Variants in FAM193A observed in about 807,000 individuals in gnomAD.
The protein encoded by FAM193A is family with sequence similarity 193 member A, also known as protein FAM193A.
Under a neutral mutation model 126.5 loss-of-function variants are expected in FAM193A, and 22 were observed. The ratio of observed to expected loss-of-function variants is 0.17; its 90% CI spans 0.12 to 0.25. The LOEUF (loss-of-function observed/expected upper bound fraction) is 0.25. Ranked by LOEUF, FAM193A falls within the 10% of genes least tolerant of loss-of-function variation. The pLI, the probability that FAM193A is intolerant of heterozygous loss-of-function variation, is 1.00. For synonymous variants in FAM193A, 761 were observed against 646.8 expected (o/e 1.18, Z -2.68); for missense variants, 1,675 against 1,672.8 (o/e 1.00, Z -0.02).
intron 2 of FAM193A, among the ~76,000 whole-genome samples, chr4:2,624,843 A>G (rs1395180674): frequency 6.6e-6 from 1 of 151,976 alleles, no homozygotes; most frequent in Non-Finnish European, 1.5e-5. Context: ...TGCCCAGCCG[A>G]ATTGTTTCCT....
At chr4:2,728,747 GT>G (rs1306154216) in intron 20 of FAM193A, among the ~76,000 whole-genome samples, 1 of 152,016 alleles carries the variant, frequency 6.6e-6, no homozygotes, top group African/African-American at 2.4e-5. Context: ...TATGATAGGG[GT>G]TTTTTGTTGT....
intron 19 of FAM193A, among the ~76,000 whole-genome samples, chr4:2,706,307 T>C (rs1718303143): frequency 6.8e-6 from 1 of 148,070 alleles, no homozygotes. Flanking sequence ...TTTTTTTTTT[T>C]TTTTTTGAGA....
At chr4:2,653,029 A>G (rs74812685) in intron 7 of FAM193A, among the ~76,000 whole-genome samples, 4 of 152,218 alleles carry the variant, frequency 2.6e-5, no homozygotes, top group African/African-American at 9.6e-5. Context: ...CCTACGTAGC[A>G]TAACATCCTG....
chr4:2,626,816 TTC>T (rs1743011069), intron 4 of FAM193A, among the ~76,000 whole-genome samples: 1 of 152,228 alleles, frequency 6.6e-6, no homozygotes, highest in African/African-American at 2.4e-5. Flanking sequence ...CAAGAAATGT[TTC>T]TGTCACTTGT....
intron 1 of FAM193A, among the ~76,000 whole-genome samples, chr4:2,569,191 G>A (rs1011081779): frequency 2.0e-5 from 3 of 151,832 alleles, no homozygotes; most frequent in Non-Finnish European, 4.4e-5. Context: ...GGCTGATCTC[G>A]AACTCGTGAG....
intron 1 of FAM193A, among the ~76,000 whole-genome samples, chr4:2,586,227 G>C (rs1380888402): frequency 6.7e-6 from 1 of 148,342 alleles, no homozygotes; most frequent in African/African-American, 2.5e-5. Flanking sequence ...TGGGCAACAA[G>C]AGCAAAAACT....
chr4:2,651,485 A>G (rs1458270707), intron 7 of FAM193A, among the ~76,000 whole-genome samples: 2 of 152,200 alleles, frequency 1.3e-5, no homozygotes, highest in African/African-American at 2.4e-5. Flanking sequence ...CGTCTTACAC[A>G]GTGGCAGGAG....
At chr4:2,717,068 C>G (rs534579407) in intron 20 of FAM193A, among the ~76,000 whole-genome samples, 405 of 152,224 alleles carry the variant, frequency 2.7e-3, no homozygotes, top group African/African-American at 7.6e-3. Flanking sequence ...CAATCCCCAC[C>G]TCCTACGTTC....
intron 5 of FAM193A, among the ~76,000 whole-genome samples, chr4:2,638,494 A>G (rs1182188924): frequency 6.6e-6 from 1 of 152,202 alleles, no homozygotes; most frequent in Non-Finnish European, 1.5e-5. Flanking sequence ...TGATGTTTCA[A>G]TCTGGGAGGC....
At chr4:2,724,498 T>C (rs566893689) in intron 20 of FAM193A, among the ~76,000 whole-genome samples, 1 of 152,334 alleles carries the variant, frequency 6.6e-6, no homozygotes, top group South Asian at 2.1e-4. Context: ...AATTTTAGCT[T>C]TTAGTAACCT....
intron 13 of FAM193A, among the ~76,000 whole-genome samples, chr4:2,686,053 T>G (rs1263032008): frequency 6.6e-6 from 1 of 152,234 alleles, no homozygotes; most frequent in Non-Finnish European, 1.5e-5. Context: ...GGTGGACTTA[T>G]AAAGTCATGG....
intron 5 of FAM193A, among the ~76,000 whole-genome samples, chr4:2,633,185 G>C (rs1743766735): frequency 1.3e-5 from 2 of 152,158 alleles, no homozygotes; most frequent in South Asian, 4.1e-4. Flanking sequence ...ATCACCTGAG[G>C]TCAGGAGTTC....
rs144005982 is a variant in FAM193A, at chr4:2,662,523, G to C, written c.1746-315G>C. On this transcript the variant is annotated intron_variant, in intron 10 of 20. Transcript: ENST00000637812. ...TAGCAGAGAGACTAGTTTTATACCAGCGCTCTTCAGGTCAAATGGAAACGT... is the reference window on the plus strand; with the variant it reads ...TAGCAGAGAGACTAGTTTTATACCACCGCTCTTCAGGTCAAATGGAAACGT... Among the ~76,000 whole-genome samples, 807 of 152,294 alleles carry C rather than the reference G, an allele frequency of 5.3e-3. 9 individuals are homozygous for C. The highest frequency in any genetic ancestry group is 5.9e-3 in the Non-Finnish European group (400 of 68,020).
intron 12 of FAM193A, among the ~76,000 whole-genome samples, chr4:2,665,198 T>C (rs539417153): frequency 6.6e-6 from 1 of 152,360 alleles, no homozygotes; most frequent in South Asian, 2.1e-4. Context: ...CTGGAATATA[T>C]AAGTATTATG....
At chr4:2,669,705 C>G (rs1713573160) in intron 12 of FAM193A, among the ~76,000 whole-genome samples, 1 of 152,152 alleles carries the variant, frequency 6.6e-6, no homozygotes, top group African/African-American at 2.4e-5. Context: ...CACCCTATAC[C>G]CAGGGTCCCC....
At chr4:2,666,117 C>A (rs910098318) in intron 12 of FAM193A, among the ~76,000 whole-genome samples, 2 of 152,226 alleles carry the variant, frequency 1.3e-5, no homozygotes, top group Admixed American at 6.5e-5. Context: ...AATGTGATAT[C>A]AAGTATAGGT....
chr4:2,569,535 G>A (rs1398105379), intron 1 of FAM193A, among the ~76,000 whole-genome samples: 3 of 151,936 alleles, frequency 2.0e-5, no homozygotes, highest in African/African-American at 4.8e-5. Context: ...GGTCTTCTCC[G>A]TCACCCGGTC....
intron 1 of FAM193A, among the ~76,000 whole-genome samples, chr4:2,578,140 A>G (rs1470211134): frequency 6.6e-6 from 1 of 152,140 alleles, no homozygotes; most frequent in Non-Finnish European, 1.5e-5. Context: ...AGTGAAGCTC[A>G]CTGCAGCCTT....
intron 13 of FAM193A, among the ~76,000 whole-genome samples, chr4:2,686,156 A>C (rs1435372507): frequency 6.6e-6 from 1 of 152,222 alleles, no homozygotes; most frequent in Non-Finnish European, 1.5e-5. Flanking sequence ...AAAAGCATTA[A>C]AGAAAATACA....
Sources: gnomAD v4.1 joint callset for allele counts (sites outside exome capture counted in the v4.1 genomes callset) on GRCh38, gnomAD v4.1.1 for gene constraint, MANE v1.5 for transcripts, NCBI Gene and HGNC (gene_info 2026-07-23, HGNC 2026-07-21) for gene names.